ERICH6B: variants seen among roughly 807,000 people sequenced by gnomAD.
ERICH6B encodes glutamate-rich protein 6B.
ERICH6B carries 69 observed loss-of-function variants against 80.0 expected under a neutral mutation model. That is an observed-to-expected ratio of 0.86 (90% CI 0.71 to 1.05). ERICH6B has a LOEUF of 1.05. ERICH6B is among the 50% of genes least tolerant of loss of function. The pLI, the probability that ERICH6B is intolerant of heterozygous loss-of-function variation, is 0.00. For synonymous variants in ERICH6B, 283 were observed against 291.9 expected, an observed-to-expected ratio of 0.97 and a Z score of 0.31; for missense variants, 754 against 796.1, an observed-to-expected ratio of 0.95 and a Z score of 0.64.
At chr13:45,577,276 CTTTTTTTTTTTTT>C (rs34244794) in intron 7 of ERICH6B, among the ~76,000 whole-genome samples, 57 of 86,084 alleles carry the variant, frequency 6.6e-4, no homozygotes, top group African/African-American at 1.8e-3. Context: ...AAAAACAAAT[CTTTTTTTTTTTTT>C]TTTTTTTTTT....
intron 5 of ERICH6B, among the ~76,000 whole-genome samples, chr13:45,584,281 T>C (rs3014928): frequency 0.45 from 68,086 of 152,122 alleles, 15,956 homozygotes; most frequent in Non-Finnish European, 0.51. Flanking sequence ...CAGAGCGTCT[T>C]CTCATATGGA....
At chr13:45,562,458 T>C (rs1326711059) in intron 10 of ERICH6B, among the ~76,000 whole-genome samples, 2 of 152,202 alleles carry the variant, frequency 1.3e-5, no homozygotes, top group Non-Finnish European at 1.5e-5. Context: ...TAAGGACAAC[T>C]GAAAAACAAG....
intron 2 of ERICH6B, among the ~76,000 whole-genome samples, chr13:45,598,778 AG>A (rs1949805050): frequency 6.6e-6 from 1 of 152,174 alleles, no homozygotes; most frequent in South Asian, 2.1e-4. Context: ...TGTGGTCAAC[AG>A]GTGGCCCCCA....
At chr13:45,550,339 T>C (rs1427827424) in intron 11 of ERICH6B, 23 bp from the exon 12 acceptor site, 3 of 1,526,784 alleles carry the variant, frequency 2.0e-6, no homozygotes, top group Non-Finnish European at 1.8e-6. Context: ...GACAAGCCTA[T>C]GAAAAGTGTG....
At position 45,597,076 on chromosome 13, in the gene ERICH6B, A is replaced by G; in HGVS notation, c.-58-13T>C. On this transcript the variant is annotated splice_polypyrimidine_tract_variant and intron_variant, in intron 2 of 14. Transcript: ENST00000298738. ...TCACTTTATTATCCTGTATCCAAGA[A>G]AGGAATAAAATCCTATTAGCCAGTA... 6.9e-7 allele frequency: 1 copy of G among 1,444,630 alleles called. No homozygotes were observed. The highest frequency in any genetic ancestry group is 9.2e-7 in the Non-Finnish European group (1 of 1,091,318). The allele number at this position is 1,444,630 out of a possible 1,614,324, so 89.5% of individuals were successfully genotyped here. A position where few individuals can be genotyped will look rare whatever the true frequency, so the allele number is the denominator to read the frequency against.
rs1416850058 is a variant in ERICH6B at position 45,587,061 on chromosome 13, A to G, written c.856+2T>C. 1.3e-6 allele frequency: 2 copies of G among 1,551,050 alleles called. No individual in the cohort carries two copies. ...TCACCGACAGAGCGCAGCTTCCCTC[A>G]CCGGCAGTTCTGTCGTAGCACCAGT... is the stretch of plus-strand genomic sequence containing the variant. On this transcript the variant is annotated splice_donor_variant, in intron 5 of 14. Coordinates refer to ENST00000298738, the MANE Select transcript of ERICH6B (RefSeq NM_182542.3). LOFTEE classifies it high-confidence loss of function.
chr13:45,570,853 T>C (rs1053430879), intron 8 of ERICH6B, among the ~76,000 whole-genome samples: 1 of 151,856 alleles, frequency 6.6e-6, no homozygotes, highest in Non-Finnish European at 1.5e-5. Context: ...CCGTGTGGCA[T>C]TCGCTCCATT....
rs528705905 is a variant in ERICH6B, at chr13:45,550,948, G to A, written c.1408-632C>T. On this transcript the variant is annotated intron_variant, in intron 11 of 14. Transcript: ENST00000298738. ...GATAAGGTCACATTCTGAAGCACTG[G>A]GGGTTAGAACTCCGACATGTCTCTT... 2.6e-5 allele frequency among the ~76,000 whole-genome samples: 4 copies of A among 152,194 alleles called. No homozygotes were observed. The East Asian group carries it at 7.7e-4, about 29-fold the overall frequency.
At chr13:45,575,104 C>T (rs1287467746) in intron 7 of ERICH6B, among the ~76,000 whole-genome samples, 174 bp from the exon 8 acceptor site, 1 of 152,134 alleles carries the variant, frequency 6.6e-6, no homozygotes, top group Admixed American at 6.5e-5. Context: ...TAAAACTCAA[C>T]TTGGGGATAC....
At chr13:45,579,453 G>A (rs1211108199) in intron 7 of ERICH6B, among the ~76,000 whole-genome samples, 2 of 152,192 alleles carry the variant, frequency 1.3e-5, no homozygotes, top group East Asian at 3.8e-4. Flanking sequence ...GGATTCTGCT[G>A]CTGTAAGGAT....
At chr13:45,554,282 A>C (rs1329547864) in intron 11 of ERICH6B, among the ~76,000 whole-genome samples, 1 of 152,190 alleles carries the variant, frequency 6.6e-6, no homozygotes, top group Non-Finnish European at 1.5e-5. Flanking sequence ...CCATGTTCTC[A>C]CAAATGATAG....
At chr13:45,609,624 C>T (rs572761680) in intron 1 of ERICH6B, among the ~76,000 whole-genome samples, 5 of 152,264 alleles carry the variant, frequency 3.3e-5, no homozygotes, top group Middle Eastern at 3.4e-3. Context: ...AGGAGCTCGA[C>T]AAATAATTGA....
chr13:45,566,468 G>C (rs1874917224), intron 9 of ERICH6B, among the ~76,000 whole-genome samples: 1 of 152,224 alleles, frequency 6.6e-6, no homozygotes, highest in Non-Finnish European at 1.5e-5. Flanking sequence ...CCAGGCCCAG[G>C]GTCCCTGTGT....
intron 11 of ERICH6B, among the ~76,000 whole-genome samples, chr13:45,559,249 A>G (rs1874566624): frequency 1.3e-5 from 2 of 152,046 alleles, no homozygotes; most frequent in South Asian, 2.1e-4. Context: ...CAGTTGTAAT[A>G]TCTCCCGTTT....
At chr13:45,561,673 G>C (rs1217352630) in intron 10 of ERICH6B, 147 bp from the exon 11 acceptor site, 1 of 817,344 alleles carries the variant, frequency 1.2e-6, no homozygotes, top group Non-Finnish European at 1.9e-6. Flanking sequence ...CTGTCGGGTA[G>C]TGGGAAGATT....
rs767122470 is a variant in ERICH6B, at chr13:45,607,626, A to T, written c.-110-11T>A. On this transcript the variant is annotated splice_polypyrimidine_tract_variant and intron_variant, in intron 1 of 14. Coordinates refer to ENST00000298738, the MANE Select transcript of ERICH6B (RefSeq NM_182542.3). Reference sequence around the variant, plus strand: ...TTTCAACAATAACAGCTGAAGGAAAAATGTTTTCTGGTTAGTTATCCAGGA... The same window carrying T: ...TTTCAACAATAACAGCTGAAGGAAATATGTTTTCTGGTTAGTTATCCAGGA... 1 of 152,404 alleles carries T rather than the reference A, an allele frequency of 6.6e-6. No individual in the cohort carries two copies. Among genetic ancestry groups the T allele is most frequent in the South Asian group, 2.1e-4 (1 of 4,836 alleles). 9.4% of individuals were successfully genotyped at this position (152,404 alleles called of 1,614,324 possible). A position where few individuals can be genotyped will look rare whatever the true frequency, so the allele number is the denominator to read the frequency against.
chr13:45,561,592 C>T, intron 10 of ERICH6B, 66 bp from the exon 11 acceptor site: 1 of 1,520,906 alleles, frequency 6.6e-7, no homozygotes, highest in East Asian at 2.5e-5. Flanking sequence ...AAACTTAGAT[C>T]TGTCTCTCTC....
rs570814016 is a variant in ERICH6B, at chr13:45,548,076, C to T, written c.1646+1817G>A. On this transcript the variant is annotated intron_variant, in intron 13 of 14. Transcript: ENST00000298738. ...GGGCAGGTCTCAACACTGTGTGGGA[C>T]CCTGAACCCAGATAGGAAGCCTGGC... Among the ~76,000 whole-genome samples the T allele has an allele frequency of 1.1e-4, 17 of 152,320 alleles. No individual in the cohort carries two copies. In the South Asian group the frequency reaches 3.1e-3, roughly 28 times the overall value.
At chr13:45,567,338 G>C (rs1000755416) in intron 9 of ERICH6B, among the ~76,000 whole-genome samples, 3 of 152,186 alleles carry the variant, frequency 2.0e-5, no homozygotes, top group African/African-American at 7.2e-5. Context: ...TTTGAAATGT[G>C]AGGATATGAG....
Sources: gnomAD v4.1 joint callset for allele counts (sites outside exome capture counted in the v4.1 genomes callset) on GRCh38, gnomAD v4.1.1 for gene constraint, MANE v1.5 for transcripts, NCBI Gene and HGNC (gene_info 2026-07-23, HGNC 2026-07-21) for gene names.